Variants in TRIM45 observed in about 807,000 individuals in gnomAD.
The protein encoded by TRIM45 is E3 ubiquitin-protein ligase TRIM45.
TRIM45 carries 45 observed loss-of-function variants against 46.7 expected under a neutral mutation model. That is an observed-to-expected ratio of 0.96 (90% CI 0.76 to 1.24). The LOEUF (loss-of-function observed/expected upper bound fraction) is 1.24. TRIM45 is among the 50% of genes most tolerant of loss of function. The pLI is 0.00. For missense variants in TRIM45, 680 were observed against 728.4 expected, an observed-to-expected ratio of 0.93 and a Z score of 0.77; for synonymous variants, 259 against 285.8, an observed-to-expected ratio of 0.91 and a Z score of 0.94.
In TRIM45 at chr1:117,118,505, C is replaced by G; in HGVS notation, c.751G>C (p.Ala251Pro). ...LLKGTQPHVE[A>P]LEEALAQIHI... ...ATCTGAGCCAGGGCTTCCTCCAGGGCCTCCACGTGGGGCTGAGTACCTTTG... is the reference window on the plus strand; with the variant it reads ...ATCTGAGCCAGGGCTTCCTCCAGGGGCTCCACGTGGGGCTGAGTACCTTTG... Residue 251 changes from alanine (A) to proline (P), a missense_variant, in exon 2 of 6, where the codon GCC becomes CCC. Physicochemically the swap from Ala to Pro is conservative, Grantham distance 27 (BLOSUM62 -1). This residue lies in a region of TRIM45 where 349 missense variants were observed against 343.6 expected (regional missense o/e 1.02). Coordinates refer to ENST00000256649, the MANE Select transcript of TRIM45 (RefSeq NM_025188.4). This position sits in a 1 kb window ranked among gnomAD's most constrained non-coding sequence, Gnocchi z 5.7. 6.2e-7 allele frequency: 1 copy of G among 1,614,188 alleles called. No homozygotes were observed. The highest frequency in any genetic ancestry group is 1.1e-5 in the South Asian group (1 of 91,076).
Position 117,111,270 on chromosome 1 carries a change from A to G in TRIM45, c.*1035T>C, listed in dbSNP as rs1184249172. The G allele has an allele frequency of 1.3e-5, 2 of 152,234 alleles. No homozygotes were observed. The highest frequency in any genetic ancestry group is 4.8e-5 in the African/African-American group (2 of 41,464). 9.4% of individuals were successfully genotyped at this position (152,234 alleles called of 1,614,324 possible). ...CCCAGTTAACTTTCTAGGTATATAG[A>G]TAACAGTGAAGACTACTCTAAAGAC... On this transcript the variant is annotated 3_prime_UTR_variant, in exon 6 of 6. Coordinates refer to ENST00000256649, the MANE Select transcript of TRIM45 (RefSeq NM_025188.4).
chr1:117,111,617 T>A lies in TRIM45; in HGVS notation c.*688A>T, dbSNP rs986134407. ...GTTTCTAATCTCTAGGGGAAATATC[T>A]AAATAATGTGTAGCTCAGAGAAAAA... On this transcript the variant is annotated 3_prime_UTR_variant, in exon 6 of 6. Coordinates refer to ENST00000256649, the MANE Select transcript of TRIM45 (RefSeq NM_025188.4). 1 of 152,170 alleles carries A rather than the reference T, an allele frequency of 6.6e-6. No individual in the cohort carries two copies. Among genetic ancestry groups the A allele is most frequent in the African/African-American group, 2.4e-5 (1 of 41,446 alleles). The allele number at this position is 152,170 out of a possible 1,614,324, so 9.4% of individuals were successfully genotyped here.
At chr1:117,119,713 A>C (rs1650549707) in intron 1 of TRIM45, among the ~76,000 whole-genome samples, 1 of 152,196 alleles carries the variant, frequency 6.6e-6, no homozygotes, top group Non-Finnish European at 1.5e-5. Flanking sequence ...ATGTAGGGAA[A>C]TCCTTAGGAA....
In TRIM45 at chr1:117,112,400, A is replaced by G. The variant is rs373952726; in HGVS notation, c.1648T>C (p.Trp550Arg). 13 of 1,613,992 alleles carry G rather than the reference A, an allele frequency of 8.1e-6. No homozygotes were observed. Among genetic ancestry groups the G allele is most frequent in the Middle Eastern group, 1.6e-4 (1 of 6,080 alleles). ...TCATTAAATTTTCCACAGCATGACCAGTGGGGATGACCTGGGTGGCCTTTG... is the reference window on the plus strand; with the variant it reads ...TCATTAAATTTTCCACAGCATGACCGGTGGGGATGACCTGGGTGGCCTTTG... The part of the protein sequence containing the change: ...GHKGHPGHPH[W>R]SCCGKFNEKS... Residue 550 changes from tryptophan (W) to arginine (R), a missense_variant, in exon 6 of 6, where the codon TGG becomes CGG. Trp to Arg is a moderately radical substitution (Grantham distance 101, BLOSUM62 -3). Coordinates refer to ENST00000256649, the MANE Select transcript of TRIM45 (RefSeq NM_025188.4).
At chr1:117,112,521 A>C in intron 5 of TRIM45, 68 bp from the exon 6 acceptor site, 1 of 1,439,428 alleles carries the variant, frequency 6.9e-7, no homozygotes, top group Non-Finnish European at 9.3e-7. Flanking sequence ...TACCATTATC[A>C]TGGAAATTAG....
chr1:117,116,895 G>C lies in TRIM45; in HGVS notation c.1223-150C>G. On this transcript the variant is annotated intron_variant, in intron 2 of 5. Transcript: ENST00000256649. The surrounding 1 kb of genome is among the most constrained non-coding windows in gnomAD (Gnocchi z 4.6). ...TTCTCTTCCCCTTCTGCCTCCCAGA[G>C]TACGCCTCTTGGGAGTCCTTCCTGG... 1 of 1,119,452 alleles carries C rather than the reference G, an allele frequency of 8.9e-7. No homozygotes were observed. Among genetic ancestry groups the C allele is most frequent in the African/African-American group, 1.6e-5 (1 of 63,684 alleles). The allele number at this position is 1,119,452 out of a possible 1,614,324, so 69.3% of individuals were successfully genotyped here.
Position 117,113,139 on chromosome 1 carries a change from A to G in TRIM45, c.1594+220T>C, listed in dbSNP as rs1282733994. Among the ~76,000 whole-genome samples, 1 of 152,248 alleles carries G rather than the reference A, an allele frequency of 6.6e-6. No individual in the cohort carries two copies. Among genetic ancestry groups the G allele is most frequent in the East Asian group, 1.9e-4 (1 of 5,196 alleles). ...CACAGGGCTCATAGGAGCTGTACCA[A>G]AACTAACAGAACTGAGAGCTTTTAA... On this transcript the variant is annotated intron_variant, in intron 5 of 5. Coordinates refer to ENST00000256649, the MANE Select transcript of TRIM45 (RefSeq NM_025188.4). This position sits in a 1 kb window ranked among gnomAD's most constrained non-coding sequence, Gnocchi z 4.0.
At chr1:117,114,589 T>C (rs1184498293) in intron 4 of TRIM45, among the ~76,000 whole-genome samples, 1 of 152,120 alleles carries the variant, frequency 6.6e-6, no homozygotes, top group African/African-American at 2.4e-5. Context: ...TCTTAAAGAG[T>C]TTACAATCCA....
At chr1:117,122,752 T>G (rs1010625264), upstream of TRIM45, among the ~76,000 whole-genome samples, 1 of 152,192 alleles carries the variant, frequency 6.6e-6, no homozygotes, top group Non-Finnish European at 1.5e-5. Context: ...AACTTTATAA[T>G]TACACGGCCA....
In TRIM45 at chr1:117,120,864, A is replaced by G. The variant is rs1184038754; in HGVS notation, c.338T>C (p.Ile113Thr). The G allele has an allele frequency of 2.5e-6, 4 of 1,614,160 alleles. No homozygotes were observed. The highest frequency in any genetic ancestry group is 1.1e-5 in the South Asian group (1 of 91,084). ...LPMGGVKALT[I>T]DHLAVNDVML... ...CACATCATTCACGGCCAGGTGGTCTATGGTTAAAGCCTTCACTCCACCCAT... is the reference window on the plus strand; with the variant it reads ...CACATCATTCACGGCCAGGTGGTCTGTGGTTAAAGCCTTCACTCCACCCAT... Residue 113 changes from isoleucine to threonine, a missense_variant, in exon 1 of 6, where the codon ATA (isoleucine) becomes ACA (threonine). By Grantham distance (89) the Ile-to-Thr change is moderately conservative (BLOSUM62 -1). Coordinates refer to ENST00000256649, the MANE Select transcript of TRIM45 (RefSeq NM_025188.4).
chr1:117,118,484 G>A lies in TRIM45; in HGVS notation c.772C>T (p.Gln258Ter). The A allele has an allele frequency of 6.2e-7, 1 of 1,614,088 alleles. No individual in the cohort carries two copies. The highest frequency in any genetic ancestry group is 8.5e-7 in the Non-Finnish European group (1 of 1,180,020). Reference sequence around the variant, plus strand: ...AGGGCACTGTTTATTATGTGGATCTGAGCCAGGGCTTCCTCCAGGGCCTCC... The same window carrying A: ...AGGGCACTGTTTATTATGTGGATCTAAGCCAGGGCTTCCTCCAGGGCCTCC... ...HVEALEEALA[Q>*]IHIINSALQK... Residue 258 changes from glutamine to a stop codon, truncating the protein, a stop_gained, in exon 2 of 6, where the codon CAG becomes TAG. Coordinates refer to ENST00000256649, the MANE Select transcript of TRIM45 (RefSeq NM_025188.4). LOFTEE classifies it high-confidence loss of function. The surrounding 1 kb of genome is among the most constrained non-coding windows in gnomAD (Gnocchi z 5.7).
Position 117,121,487 on chromosome 1 carries a change from G to GC in TRIM45, c.-287dup. ...CTCCCCGGATGCGCTTCCAGGTCTA[G>GC]CTCTCCAGCTAGTCCTGCTGCCAAC... On this transcript the variant is annotated 5_prime_UTR_variant, in exon 1 of 6. Coordinates refer to ENST00000256649, the MANE Select transcript of TRIM45 (RefSeq NM_025188.4). This position sits in a 1 kb window ranked among gnomAD's most constrained non-coding sequence, Gnocchi z 4.2. The GC allele has an allele frequency of 1.9e-6, 1 of 521,362 alleles. No individual in the cohort carries two copies. The highest frequency in any genetic ancestry group is 3.4e-6 in the Non-Finnish European group (1 of 297,032). 32.3% of individuals were successfully genotyped at this position (521,362 alleles called of 1,614,324 possible).
intron 1 of TRIM45, 49 bp downstream of exon 1, chr1:117,120,665 C>G (rs373910507): frequency 1.4e-5 from 21 of 1,537,660 alleles, no homozygotes; most frequent in Admixed American, 8.2e-5. Flanking sequence ...CTTGACACCT[C>G]TTTGTAATCT....
chr1:117,121,614 G>A lies in TRIM45; in HGVS notation c.-413C>T. The A allele has an allele frequency of 3.6e-6, 1 of 276,284 alleles. No individual in the cohort carries two copies. Among genetic ancestry groups the A allele is most frequent in the South Asian group, 3.2e-5 (1 of 31,234 alleles). The allele number at this position is 276,284 out of a possible 1,614,324, so 17.1% of individuals were successfully genotyped here. On this transcript the variant is annotated 5_prime_UTR_variant, in exon 1 of 6. Coordinates refer to ENST00000256649, the MANE Select transcript of TRIM45 (RefSeq NM_025188.4). The surrounding 1 kb of genome is among the most constrained non-coding windows in gnomAD (Gnocchi z 4.2). ...ACAAGCGCCGACCCCACCCGCGCAC[G>A]ATGAGGTAGGGGCCCTCTTGCTCCT...
rs1018619421 is a variant in TRIM45 at position 117,116,367 on chromosome 1, G to A, written c.1352+249C>T. 5.3e-5 allele frequency among the ~76,000 whole-genome samples: 8 copies of A among 151,524 alleles called. No homozygotes were observed. Among genetic ancestry groups the A allele is most frequent in the African/African-American group, 1.9e-4 (8 of 41,180 alleles). On this transcript the variant is annotated intron_variant, in intron 3 of 5. Transcript: ENST00000256649. This position sits in a 1 kb window ranked among gnomAD's most constrained non-coding sequence, Gnocchi z 4.6. Reference sequence around the variant, plus strand: ...TCCCATCTCAGCCTCCTGAATAGCTGGGATTATAGGCATATGCCTCCACTC... The same window carrying A: ...TCCCATCTCAGCCTCCTGAATAGCTAGGATTATAGGCATATGCCTCCACTC...
Position 117,112,435 on chromosome 1 carries a change from CCACAGCCTAGGTACCCACCTA to C in TRIM45, c.1595-3_1612del. ...ACCTGGGTGGCCTTTGTGTCCATGG[CCACAGCCTAGGTACCCACCTA>C]CATGGGACAAAGAGGAAAGGACAAA... On this transcript the variant is annotated splice_acceptor_variant and splice_polypyrimidine_tract_variant and coding_sequence_variant and intron_variant, in exon 6 of 6. Coordinates refer to ENST00000256649, the MANE Select transcript of TRIM45 (RefSeq NM_025188.4). LOFTEE classifies it high-confidence loss of function. 1.9e-6 allele frequency: 3 copies of C among 1,613,178 alleles called. No homozygotes were observed. Among genetic ancestry groups the C allele is most frequent in the Non-Finnish European group, 2.5e-6 (3 of 1,179,558 alleles).
At position 117,113,853 on chromosome 1, in the gene TRIM45, T is replaced by C. The variant is rs568518471; in HGVS notation, c.1468-368A>G. Among the ~76,000 whole-genome samples the C allele has an allele frequency of 6.6e-6, 1 of 152,370 alleles. No individual in the cohort carries two copies. Among genetic ancestry groups the C allele is most frequent in the East Asian group, 1.9e-4 (1 of 5,192 alleles). On this transcript the variant is annotated intron_variant, in intron 4 of 5. Transcript: ENST00000256649. This position sits in a 1 kb window ranked among gnomAD's most constrained non-coding sequence, Gnocchi z 4.0. ...GCTGGGAATAATTGTTCTGGCAAGA[T>C]GGCAGCAAAAGCAGAAGCCCATGCC...
chr1:117,120,644 G>A (rs967186753), intron 1 of TRIM45, 70 bp downstream of exon 1: 11 of 1,518,384 alleles, frequency 7.2e-6, no homozygotes, highest in African/African-American at 1.4e-5. Flanking sequence ...TCTGCTCACC[G>A]AGGGATTTGT....
rs372709764 is a variant in TRIM45, at chr1:117,112,596, A to G, written c.1595-143T>C. 3.6e-5 allele frequency: 28 copies of G among 778,428 alleles called. 1 individual carries two copies. The highest frequency in any genetic ancestry group is 1.9e-4 in the East Asian group (7 of 35,950). The allele number at this position is 778,428 out of a possible 1,614,324, so 48.2% of individuals were successfully genotyped here. ...CTAAGAAAATCTTGGCAAGAGGAACAAGCTGTCTGACTGTTGTGCAGTCAG... is the reference window on the plus strand; with the variant it reads ...CTAAGAAAATCTTGGCAAGAGGAACGAGCTGTCTGACTGTTGTGCAGTCAG... On this transcript the variant is annotated intron_variant, in intron 5 of 5. Transcript: ENST00000256649.
Sources: allele counts gnomAD v4.1 joint callset (sites outside exome capture counted in the v4.1 genomes callset), GRCh38; gene constraint gnomAD v4.1.1; regional missense constraint gnomAD v4.1.1; non-coding constraint Gnocchi (gnomAD v3.1); transcripts MANE v1.5; gene names NCBI Gene and HGNC (gene_info 2026-07-23, HGNC 2026-07-21).